The following CCDC171 variants were observed in gnomAD, a reference collection of about 807,000 sequenced individuals.
The protein encoded by CCDC171 is coiled-coil domain-containing protein 171.
Under a neutral mutation model 168.2 loss-of-function variants are expected in CCDC171, and 177 were observed. That is an observed-to-expected ratio of 1.05 (90% CI 0.93 to 1.19). The LOEUF (loss-of-function observed/expected upper bound fraction) is 1.19, where lower values mean the gene tolerates loss of function less well. Ranked by LOEUF, CCDC171 falls within the 50% of genes most tolerant of loss-of-function variation. The pLI is 0.00. For synonymous variants in CCDC171, 687 were observed against 540.8 expected (o/e 1.27, Z -3.75); for missense variants, 1,991 against 1,539.0 (o/e 1.29, Z -4.91).
At chr9:15,609,842 T>C (rs116431102) in intron 6 of CCDC171, among the ~76,000 whole-genome samples, 1,583 of 152,284 alleles carry the variant, frequency 0.01, 31 homozygotes, top group African/African-American at 0.036. Context: ...TATGTGAGTT[T>C]CAGGAATGGC....
At chr9:15,646,401 A>G (rs2047040657) in intron 7 of CCDC171, among the ~76,000 whole-genome samples, 1 of 152,220 alleles carries the variant, frequency 6.6e-6, no homozygotes, top group East Asian at 1.9e-4. Flanking sequence ...ACACATAACA[A>G]TATTAACTTT....
chr9:15,861,637 ACTC>A (rs1238919927), intron 23 of CCDC171, among the ~76,000 whole-genome samples: 1 of 151,554 alleles, frequency 6.6e-6, no homozygotes, highest in Non-Finnish European at 1.5e-5. Flanking sequence ...CTACAGTTTT[ACTC>A]CTCCTACCTT....
At chr9:16,037,509 C>A (rs563729228) in intron 8 of CCDC171, among the ~76,000 whole-genome samples, 1 of 151,950 alleles carries the variant, frequency 6.6e-6, no homozygotes, top group Non-Finnish European at 1.5e-5. Flanking sequence ...GAATACAGAG[C>A]GAGATCAGAT....
At chr9:15,594,813 G>A (rs1413794977) in intron 6 of CCDC171, among the ~76,000 whole-genome samples, 1 of 152,056 alleles carries the variant, frequency 6.6e-6, no homozygotes, top group Non-Finnish European at 1.5e-5. Flanking sequence ...TTGAAGGAGA[G>A]GTAGGAGAAA....
chr9:15,571,561 A>G (rs2040222649), intron 2 of CCDC171, 63 bp from the exon 3 acceptor site: 1 of 1,307,102 alleles, frequency 7.7e-7, no homozygotes, highest in South Asian at 1.5e-5. Context: ...CAAAAATATC[A>G]GAAATGCTCT....
At chr9:15,758,803 C>A (rs916651795) in intron 18 of CCDC171, among the ~76,000 whole-genome samples, 1 of 152,110 alleles carries the variant, frequency 6.6e-6, no homozygotes, top group Admixed American at 6.5e-5. Context: ...TAAGGGGAAG[C>A]CTGTTTTGCT....
Position 15,657,221 on chromosome 9 carries a change from T to C in CCDC171, c.915+2T>C, listed in dbSNP as rs770015150. 6.3e-7 allele frequency: 1 copy of C among 1,578,374 alleles called. No homozygotes were observed. Among genetic ancestry groups the C allele is most frequent in the Non-Finnish European group, 8.7e-7 (1 of 1,149,716 alleles). On this transcript the variant is annotated splice_donor_variant, in intron 8 of 25. Coordinates refer to ENST00000380701, the MANE Select transcript of CCDC171 (RefSeq NM_173550.4). LOFTEE classifies it high-confidence loss of function. The stretch of plus-strand genomic sequence containing the variant: ...AAATTTAATTCTGAAATTATTCAGG[T>C]AAAATGTAAACAAATATTTTGGCCT...
intron 1 of CCDC171, among the ~76,000 whole-genome samples, chr9:16,058,275 T>C (rs1272599102): frequency 6.6e-6 from 1 of 152,108 alleles, no homozygotes; most frequent in African/African-American, 2.4e-5. Context: ...CCATTCATCT[T>C]TCTTTCCTCT....
chr9:16,106,060 G>A, the CCDC171 span, among the ~76,000 whole-genome samples: 3 of 152,156 alleles, frequency 2.0e-5, no homozygotes, highest in African/African-American at 7.2e-5. Flanking sequence ...CTGGACCCCT[G>A]TCCTATTGAG....
intron 20 of CCDC171, among the ~76,000 whole-genome samples, chr9:15,783,594 A>T (rs886390727): frequency 6.6e-6 from 1 of 152,138 alleles, no homozygotes; most frequent in African/African-American, 2.4e-5. Flanking sequence ...CCTTTTGTGA[A>T]ACCTTCCTCT....
At chr9:15,648,711 A>G (rs567023284) in intron 7 of CCDC171, among the ~76,000 whole-genome samples, 12 of 152,340 alleles carry the variant, frequency 7.9e-5, no homozygotes, top group African/African-American at 2.9e-4. Flanking sequence ...GACTTCTTCA[A>G]GGAGAACTAC....
At chr9:16,059,578 A>C (rs916314242) in intron 1 of CCDC171, among the ~76,000 whole-genome samples, 2 of 134,166 alleles carry the variant, frequency 1.5e-5, no homozygotes, top group Non-Finnish European at 3.0e-5. Context: ...GCAGTGGCGC[A>C]ATCTCGGCTC....
At chr9:15,894,361 C>T (rs1248244505) in intron 24 of CCDC171, among the ~76,000 whole-genome samples, 1 of 151,998 alleles carries the variant, frequency 6.6e-6, no homozygotes, top group Non-Finnish European at 1.5e-5. Context: ...ATCTGCGCAG[C>T]AAACCACCAT....
rs1253858872 is a variant in CCDC171, at chr9:15,623,325, A to G, written c.734A>G (p.His245Arg). 8.1e-6 allele frequency: 13 copies of G among 1,609,928 alleles called. No homozygotes were observed. The highest frequency in any genetic ancestry group is 1.0e-5 in the Non-Finnish European group (12 of 1,177,408). ...HKKVEKLETE[H>R]MDCSDLLRRQ... ...AAAGTAGAAAAATTAGAAACAGAAC[A>G]TATGGACTGCTCTGACCTTTTACGG... Residue 245 changes from histidine (H) to arginine (R), a missense_variant, in exon 7 of 26, where the codon CAT becomes CGT. By Grantham distance (29) the His-to-Arg change is conservative. Coordinates refer to ENST00000380701, the MANE Select transcript of CCDC171 (RefSeq NM_173550.4).
At chr9:16,056,004 C>A (rs1833833147) in intron 1 of CCDC171, among the ~76,000 whole-genome samples, 1 of 152,146 alleles carries the variant, frequency 6.6e-6, no homozygotes, top group Admixed American at 6.5e-5. Context: ...GAGAAGGAGG[C>A]AACAACATGG....
At chr9:15,570,219 C>G (rs2040112536) in intron 2 of CCDC171, among the ~76,000 whole-genome samples, 1 of 152,100 alleles carries the variant, frequency 6.6e-6, no homozygotes, top group South Asian at 2.1e-4. Flanking sequence ...GATCTGCCCG[C>G]CACAGCCTCC....
chr9:15,629,511 G>T (rs985777830), intron 7 of CCDC171, among the ~76,000 whole-genome samples: 2 of 152,188 alleles, frequency 1.3e-5, no homozygotes. Context: ...AAGCCTCCAG[G>T]AAATATGGGA....
intron 6 of CCDC171, among the ~76,000 whole-genome samples, chr9:15,617,176 C>T (rs142216961): frequency 2.2e-3 from 334 of 152,294 alleles, no homozygotes; most frequent in Middle Eastern, 0.01. Context: ...CCTTCTGAAG[C>T]CTACTTCTGC....
intron 11 of CCDC171, among the ~76,000 whole-genome samples, chr9:15,703,106 A>G (rs1431417082): frequency 6.6e-6 from 1 of 152,018 alleles, no homozygotes; most frequent in Admixed American, 6.5e-5. Flanking sequence ...GGGTTTCACC[A>G]TGTTAGCCAG....
Sources: gnomAD v4.1 joint callset for allele counts (sites outside exome capture counted in the v4.1 genomes callset) on GRCh38, gnomAD v4.1.1 for gene constraint, MANE v1.5 for transcripts, NCBI Gene and HGNC (gene_info 2026-07-23, HGNC 2026-07-21) for gene names.